The following EML1 variants were observed in gnomAD, a reference collection of about 807,000 sequenced individuals.
The protein encoded by EML1 is EMAP like 1.
A neutral mutation model predicts 110.4 loss-of-function variants in EML1; 27 were observed. That is an observed-to-expected ratio of 0.24 (90% CI 0.18 to 0.34). The LOEUF is 0.34. EML1 is among the 10% of genes least tolerant of loss of function. The pLI, the probability that EML1 is intolerant of heterozygous loss-of-function variation, is 1.00. For missense variants in EML1, 741 were observed against 1,030.9 expected, an observed-to-expected ratio of 0.72 and a Z score of 3.85; for synonymous variants, 344 against 385.8, an observed-to-expected ratio of 0.89 and a Z score of 1.27.
Position 99,939,862 on chromosome 14 carries a change from G to A in EML1, c.2323-125G>A, listed in dbSNP as rs1050818870. Reference sequence around the variant, plus strand: ...TGTCACACACAGAGCAGGTTCCCAAGTGAGAGCTGCCGAGCGGAGGGCGAG... The same window carrying A: ...TGTCACACACAGAGCAGGTTCCCAAATGAGAGCTGCCGAGCGGAGGGCGAG... On this transcript the variant is annotated intron_variant, in intron 21 of 21. Coordinates refer to ENST00000262233, the MANE Select transcript of EML1 (RefSeq NM_004434.3). The surrounding 1 kb of genome is among the most constrained non-coding windows in gnomAD (Gnocchi z 4.2). The A allele has an allele frequency of 1.3e-5, 16 of 1,265,548 alleles. No individual in the cohort carries two copies. The highest frequency in any genetic ancestry group is 1.6e-5 in the Non-Finnish European group (15 of 944,050). 78.4% of individuals were successfully genotyped at this position (1,265,548 alleles called of 1,614,324 possible). A position where few individuals can be genotyped will look rare whatever the true frequency, so the allele number is the denominator to read the frequency against.
At chr14:99,908,817 G>C (rs1448458135) in intron 10 of EML1, among the ~76,000 whole-genome samples, 1 of 152,194 alleles carries the variant, frequency 6.6e-6, no homozygotes, top group East Asian at 1.9e-4. Context: ...GGGGAAACGG[G>C]CAGCCAGAGT....
At chr14:99,847,749 G>A (rs2058729658) in intron 1 of EML1, among the ~76,000 whole-genome samples, 1 of 151,830 alleles carries the variant, frequency 6.6e-6, no homozygotes, top group African/African-American at 2.4e-5. Context: ...TTTTCATTAT[G>A]AAATGGCCCT....
At chr14:99,914,447 G>T in intron 14 of EML1, 119 bp from the exon 15 acceptor site, 3 of 1,527,414 alleles carry the variant, frequency 2.0e-6, no homozygotes, top group South Asian at 2.6e-5. Context: ...GATGGGAGGA[G>T]AGAAACTGTT....
At position 99,914,188 on chromosome 14, in the gene EML1, C is replaced by G. The variant is rs750367861; in HGVS notation, c.1504C>G (p.Gln502Glu). Residue 502 changes from glutamine (Q) to glutamate (E), a missense_variant, in exon 14 of 22, where the codon CAG (glutamine) becomes GAG (glutamate). Gln to Glu is a conservative substitution (Grantham distance 29). This residue lies in a region of EML1 where 388 missense variants were observed against 605.6 expected (regional missense o/e 0.64). Coordinates refer to ENST00000262233, the MANE Select transcript of EML1 (RefSeq NM_004434.3). Reference sequence around the variant, plus strand: ...TGACTTTTCAATGCAGATTCCAGAACAGTTTGGTCCAATACGGACAGTGGC... The same window carrying G: ...TGACTTTTCAATGCAGATTCCAGAAGAGTTTGGTCCAATACGGACAGTGGC... The part of the protein sequence containing the change: ...QKLRKTEIPE[Q>E]FGPIRTVAEG... 2 of 1,607,874 alleles carry G rather than the reference C, an allele frequency of 1.2e-6. No homozygotes were observed. Among genetic ancestry groups the G allele is most frequent in the Admixed American group, 3.4e-5 (2 of 59,682 alleles).
chr14:99,926,036 C>T lies in EML1; in HGVS notation c.1909+5159C>T, dbSNP rs188969112. Among the ~76,000 whole-genome samples the T allele has an allele frequency of 6.6e-5, 10 of 152,256 alleles. No homozygotes were observed. In the East Asian group the frequency reaches 1.5e-3, roughly 24 times the overall value. ...GACCGCTGTGCTGGCCCAGCTGCTG[C>T]GAAGGAGTGAGGGCAGCCCAGGGAA... On this transcript the variant is annotated intron_variant, in intron 17 of 21. Coordinates refer to ENST00000262233, the MANE Select transcript of EML1 (RefSeq NM_004434.3).
At chr14:99,887,268 G>A (rs1195779688) in intron 4 of EML1, among the ~76,000 whole-genome samples, 1 of 152,208 alleles carries the variant, frequency 6.6e-6, no homozygotes, top group Non-Finnish European at 1.5e-5. Context: ...AGCTCTTTCA[G>A]CAAATCTCCT....
intron 1 of EML1, among the ~76,000 whole-genome samples, chr14:99,752,565 G>A (rs1160782374): frequency 6.6e-6 from 1 of 152,210 alleles, no homozygotes; most frequent in Non-Finnish European, 1.5e-5. Context: ...CTGTGCCCAA[G>A]GAGCCAGCTG....
chr14:99,871,037 A>C (rs1200903673), intron 3 of EML1, among the ~76,000 whole-genome samples: 1 of 151,960 alleles, frequency 6.6e-6, no homozygotes, highest in Non-Finnish European at 1.5e-5. Flanking sequence ...GCTCACTGCA[A>C]CCTCCGCCTC....
intron 3 of EML1, among the ~76,000 whole-genome samples, chr14:99,872,723 G>A (rs1197363146): frequency 6.6e-6 from 1 of 152,192 alleles, no homozygotes; most frequent in East Asian, 1.9e-4. Flanking sequence ...CTCATTAGGA[G>A]AGAATTTTGA....
intron 17 of EML1, among the ~76,000 whole-genome samples, chr14:99,930,234 G>GT (rs2140117201): frequency 6.6e-6 from 1 of 152,372 alleles, no homozygotes; most frequent in Non-Finnish European, 1.5e-5. Context: ...TTTAGCAGCA[G>GT]TTGAGAACTA....
At chr14:99,810,140 T>C (rs2058051394) in intron 1 of EML1, among the ~76,000 whole-genome samples, 1 of 152,074 alleles carries the variant, frequency 6.6e-6, no homozygotes, top group African/African-American at 2.4e-5. Flanking sequence ...CTGGCGCCCC[T>C]GGGGGAACTG....
chr14:99,858,083 G>T (rs978709326), intron 2 of EML1, among the ~76,000 whole-genome samples: 2 of 152,104 alleles, frequency 1.3e-5, no homozygotes, highest in African/African-American at 4.8e-5. Flanking sequence ...CTGGACAGTA[G>T]ATACAAAGTA....
chr14:99,841,228 C>T (rs1300847277), intron 1 of EML1, among the ~76,000 whole-genome samples: 1 of 152,204 alleles, frequency 6.6e-6, no homozygotes, highest in Admixed American at 6.5e-5. Context: ...AGAGAGAGAC[C>T]TGCACAGTAT....
At chr14:99,865,731 T>C (rs1211343895) in intron 3 of EML1, 85 bp downstream of exon 3, 2 of 1,475,126 alleles carry the variant, frequency 1.4e-6, no homozygotes, top group Non-Finnish European at 1.8e-6. Context: ...TAAAATGACA[T>C]TGTACAATTT....
chr14:99,908,843 G>A (rs556174131), intron 10 of EML1, among the ~76,000 whole-genome samples: 1 of 152,342 alleles, frequency 6.6e-6, no homozygotes, highest in African/African-American at 2.4e-5. Flanking sequence ...ACGAACAATG[G>A]ACCTTTGTAA....
At chr14:99,764,209 G>A (rs886748213) in intron 1 of EML1, among the ~76,000 whole-genome samples, 3 of 152,200 alleles carry the variant, frequency 2.0e-5, no homozygotes, top group African/African-American at 7.2e-5. Context: ...CTCCAGAGCT[G>A]TTCTCCTCCT....
chr14:99,754,206 C>A (rs533612368), intron 1 of EML1, among the ~76,000 whole-genome samples: 2 of 152,358 alleles, frequency 1.3e-5, no homozygotes, highest in East Asian at 3.9e-4. Flanking sequence ...GGAGTGCCAG[C>A]CTTCTGAAGA....
rs535314493 is a variant in EML1, at chr14:99,827,433, C to T, written c.68-23420C>T. On this transcript the variant is annotated intron_variant, in intron 1 of 21. Transcript: ENST00000262233. The surrounding 1 kb of genome is among the most constrained non-coding windows in gnomAD (Gnocchi z 4.4). Reference sequence around the variant, plus strand: ...AAGTAAGGTGCAAATACCCTTGCAGCGTATCCAGGCCCAGTAGGCACGAGT... The same window carrying T: ...AAGTAAGGTGCAAATACCCTTGCAGTGTATCCAGGCCCAGTAGGCACGAGT... 2.9e-4 allele frequency among the ~76,000 whole-genome samples: 44 copies of T among 152,286 alleles called. No homozygotes were observed. Among genetic ancestry groups the T allele is most frequent in the African/African-American group, 8.2e-4 (34 of 41,558 alleles).
Position 99,940,414 on chromosome 14 carries a change from C to T in EML1, c.*302C>T, listed in dbSNP as rs2060569048. On this transcript the variant is annotated 3_prime_UTR_variant, in exon 22 of 22. Transcript: ENST00000262233. Reference sequence around the variant, plus strand: ...ATATTCTTAGTAACTTTTCTATGAACTCTTCAAAAATGGTCACAGAATGCC... The same window carrying T: ...ATATTCTTAGTAACTTTTCTATGAATTCTTCAAAAATGGTCACAGAATGCC... 9.2e-6 allele frequency: 2 copies of T among 217,026 alleles called. No individual in the cohort carries two copies. Among genetic ancestry groups the T allele is most frequent in the South Asian group, 3.6e-4 (2 of 5,620 alleles). 13.4% of individuals were successfully genotyped at this position (217,026 alleles called of 1,614,324 possible). A position where few individuals can be genotyped will look rare whatever the true frequency, so the allele number is the denominator to read the frequency against.
Sources: allele counts gnomAD v4.1 joint callset (sites outside exome capture counted in the v4.1 genomes callset), GRCh38; gene constraint gnomAD v4.1.1; regional missense constraint gnomAD v4.1.1; non-coding constraint Gnocchi (gnomAD v3.1); transcripts MANE v1.5; gene names NCBI Gene and HGNC (gene_info 2026-07-23, HGNC 2026-07-21).